The following DIP2B variants were observed in gnomAD, a reference collection of about 807,000 sequenced individuals.
DIP2B encodes the protein disco-interacting protein 2 homolog B.
In DIP2B, 76 loss-of-function variants were observed where a neutral mutation model predicts 198.0. That is an observed-to-expected ratio of 0.38 (90% CI 0.32 to 0.46). The LOEUF (loss-of-function observed/expected upper bound fraction) is 0.46. Ranked by LOEUF, DIP2B falls within the 20% of genes least tolerant of loss-of-function variation. The pLI is 0.99. For synonymous variants in DIP2B, 701 were observed against 739.1 expected (o/e 0.95, Z 0.84); for missense variants, 1,559 against 1,978.4 (o/e 0.79, Z 4.02).
intron 1 of DIP2B, among the ~76,000 whole-genome samples, chr12:50,613,532 T>C (rs939922836): frequency 1.3e-5 from 2 of 152,178 alleles, no homozygotes; most frequent in Non-Finnish European, 2.9e-5. Context: ...CCTGCAGTGC[T>C]TTAAACCTTT....
At position 50,714,534 on chromosome 12, in the gene DIP2B, A is replaced by G. The variant is rs975923419; in HGVS notation, c.2789A>G (p.Asn930Ser). ...CTGGAGGGATCACTGCATCCTTGCA[A>G]CATCCTCATGTGCCCCCATACATGT... Reference protein sequence around the residue: ...LFLEGSLHPCNILMCPHTCVT... With the variant: ...LFLEGSLHPCSILMCPHTCVT... Residue 930 changes from asparagine (N) to serine (S), a missense_variant, in exon 23 of 38, where the codon AAC (asparagine) becomes AGC (serine). By Grantham distance (46) the Asn-to-Ser change is conservative. Coordinates refer to ENST00000301180, the MANE Select transcript of DIP2B (RefSeq NM_173602.3). 1.9e-6 allele frequency: 3 copies of G among 1,614,184 alleles called. No homozygotes were observed. Among genetic ancestry groups the G allele is most frequent in the East Asian group, 2.2e-5 (1 of 44,882 alleles).
chr12:50,682,074 T>C (rs1939049881), intron 9 of DIP2B, among the ~76,000 whole-genome samples: 1 of 152,178 alleles, frequency 6.6e-6, no homozygotes, highest in Non-Finnish European at 1.5e-5. Context: ...AGTAAGAAAC[T>C]CCGCAGTGGT....
intron 8 of DIP2B, chr12:50,680,271 A>AAC (rs1555192335): frequency 6.5e-6 from 1 of 153,580 alleles, no homozygotes; most frequent in Admixed American, 6.5e-5. Flanking sequence ...AAAAAAAAAA[A>AAC]AAAAAAAAAA....
At chr12:50,621,956 A>G (rs1011794900) in intron 1 of DIP2B, among the ~76,000 whole-genome samples, 5 of 152,232 alleles carry the variant, frequency 3.3e-5, no homozygotes, top group Non-Finnish European at 7.3e-5. Flanking sequence ...GTAGTTGATT[A>G]ATATCCAGGA....
intron 1 of DIP2B, among the ~76,000 whole-genome samples, chr12:50,522,600 C>T (rs914001882): frequency 7.2e-4 from 109 of 152,300 alleles, no homozygotes; most frequent in African/African-American, 2.6e-3. Flanking sequence ...AAACGCCACA[C>T]AGATAGTGGC....
intron 10 of DIP2B, 102 bp from the exon 11 acceptor site, chr12:50,685,731 A>T (rs1192443532): frequency 7.5e-7 from 1 of 1,333,474 alleles, no homozygotes; most frequent in Admixed American, 2.8e-5. Flanking sequence ...GGCTCCATGA[A>T]TGTTATCAAA....
At position 50,695,356 on chromosome 12, in the gene DIP2B, C is replaced by G; in HGVS notation, c.1809C>G (p.His603Gln). Residue 603 changes from histidine (H) to glutamine (Q), a missense_variant, in exon 15 of 38, where the codon CAC becomes CAG. His to Gln is a conservative substitution (Grantham distance 24). Coordinates refer to ENST00000301180, the MANE Select transcript of DIP2B (RefSeq NM_173602.3). Reference protein sequence around the residue: ...PLSWVQRVHAHKAKVALVKCR... With the variant: ...PLSWVQRVHAQKAKVALVKCR... ...CTTGGGTCCAAAGAGTACATGCTCACAAAGGTAGTCACCTGCAACATCTGA... is the reference window on the plus strand; with the variant it reads ...CTTGGGTCCAAAGAGTACATGCTCAGAAAGGTAGTCACCTGCAACATCTGA... 3.7e-6 allele frequency: 6 copies of G among 1,612,390 alleles called. No individual in the cohort carries two copies. The highest frequency in any genetic ancestry group is 5.1e-6 in the Non-Finnish European group (6 of 1,178,560).
chr12:50,686,011 T>G, intron 11 of DIP2B, 55 bp downstream of exon 11: 1 of 1,561,732 alleles, frequency 6.4e-7, no homozygotes, highest in East Asian at 2.3e-5. Context: ...AGTGCTTTAA[T>G]TAGCTTTTTA....
At chr12:50,606,814 T>C (rs1958986000) in intron 1 of DIP2B, among the ~76,000 whole-genome samples, 1 of 151,816 alleles carries the variant, frequency 6.6e-6, no homozygotes, top group Non-Finnish European at 1.5e-5. Flanking sequence ...TGTTTTTTTT[T>C]TTTTCCTCTT....
chr12:50,574,894 G>A (rs1308953381), intron 1 of DIP2B, among the ~76,000 whole-genome samples: 1 of 152,190 alleles, frequency 6.6e-6, no homozygotes, highest in Non-Finnish European at 1.5e-5. Flanking sequence ...ATGGGAATTT[G>A]TCCTTAGGCA....
intron 1 of DIP2B, among the ~76,000 whole-genome samples, chr12:50,517,595 T>C (rs902032707): frequency 6.6e-6 from 1 of 152,180 alleles, no homozygotes; most frequent in Non-Finnish European, 1.5e-5. Flanking sequence ...CTTCCCTGTT[T>C]AAAAGTTTTC....
chr12:50,592,366 A>T (rs545466249), intron 1 of DIP2B, among the ~76,000 whole-genome samples: 1 of 151,488 alleles, frequency 6.6e-6, no homozygotes, highest in Non-Finnish European at 1.5e-5. Context: ...TGTTGTGACA[A>T]GGTTTCATGT....
intron 13 of DIP2B, 82 bp downstream of exon 13, chr12:50,691,233 C>G: frequency 8.3e-7 from 1 of 1,201,542 alleles, no homozygotes; most frequent in Non-Finnish European, 1.2e-6. Context: ...GATTGGACCT[C>G]ATTTAATGAC....
intron 1 of DIP2B, among the ~76,000 whole-genome samples, chr12:50,521,249 G>A (rs993257960): frequency 6.6e-6 from 1 of 151,396 alleles, no homozygotes; most frequent in Non-Finnish European, 1.5e-5. Context: ...TGAGATTACA[G>A]GCGCACACCC....
intron 36 of DIP2B, 92 bp downstream of exon 36, chr12:50,739,678 CTATT>C (rs1386733695): frequency 1.4e-6 from 2 of 1,462,998 alleles, no homozygotes; most frequent in South Asian, 1.3e-5. Flanking sequence ...TGGAGTGTGT[CTATT>C]TAGTTACTCC....
intron 1 of DIP2B, among the ~76,000 whole-genome samples, chr12:50,522,708 T>C (rs1958131635): frequency 6.6e-6 from 1 of 152,152 alleles, no homozygotes; most frequent in Non-Finnish European, 1.5e-5. Flanking sequence ...TGTATATACA[T>C]AGTATATATT....
At chr12:50,632,799 A>G (rs1419901150) in intron 2 of DIP2B, among the ~76,000 whole-genome samples, 2 of 151,982 alleles carry the variant, frequency 1.3e-5, no homozygotes, top group Non-Finnish European at 2.9e-5. Context: ...CTCCTCCCGA[A>G]GTGCTGAGAT....
intron 23 of DIP2B, among the ~76,000 whole-genome samples, chr12:50,717,002 G>A (rs1592140681): frequency 1.1e-5 from 1 of 89,356 alleles, no homozygotes; most frequent in South Asian, 4.0e-4. Context: ...TTGCTCTGTT[G>A]CCCAGGCTGG....
intron 2 of DIP2B, among the ~76,000 whole-genome samples, chr12:50,632,560 A>G (rs1206713723): frequency 6.7e-6 from 1 of 149,532 alleles, no homozygotes; most frequent in Admixed American, 6.7e-5. Flanking sequence ...TTTTTGAGAC[A>G]GAGTCTCGCT....
Sources: gnomAD v4.1 joint callset for allele counts (sites outside exome capture counted in the v4.1 genomes callset) on GRCh38, gnomAD v4.1.1 for gene constraint, MANE v1.5 for transcripts, NCBI Gene and HGNC (gene_info 2026-07-23, HGNC 2026-07-21) for gene names.